LGSN: variants seen among roughly 807,000 people sequenced by gnomAD.
The protein encoded by LGSN is lengsin.
In LGSN, 21 loss-of-function variants were observed where a neutral mutation model predicts 19.5. That is an observed-to-expected ratio of 1.07 (90% CI 0.76 to 1.55). The LOEUF (loss-of-function observed/expected upper bound fraction) is 1.55. Among genes scored for constraint, LGSN ranks in the 40% most tolerant of loss-of-function variants. The pLI, the probability that LGSN is intolerant of heterozygous loss-of-function variation, is 0.00. For synonymous variants in LGSN, 257 were observed against 215.6 expected (o/e 1.19, Z -1.68); for missense variants, 673 against 608.5 (o/e 1.11, Z -1.12).
the LGSN span, among the ~76,000 whole-genome samples, chr6:63,404,962 C>T: frequency 8.2e-6 from 1 of 121,620 alleles, no homozygotes; most frequent in Non-Finnish European, 1.7e-5. Context: ...CCCCGCCCCC[C>T]ACCCCACAAC....
chr6:63,363,357 G>T, the LGSN span, among the ~76,000 whole-genome samples: 19 of 152,302 alleles, frequency 1.2e-4, 1 homozygote, highest in Admixed American at 5.9e-4. Context: ...TGACTTTGAC[G>T]AGTTGAGAGA....
At position 63,285,738 on chromosome 6, in the gene LGSN, C is replaced by T; in HGVS notation, c.179G>A (p.Ser60Asn). The change falls in exon 3 of 4, where the codon AGC becomes AAC. Residue 60 changes from serine (S) to asparagine (N), a missense_variant. Coordinates refer to ENST00000370657, the MANE Select transcript of LGSN (RefSeq NM_016571.3). The part of the protein sequence containing the change: ...MSNSNDCMRD[S>N]SQILTPPQLS... ...TTGAGGTGGGGTCAAAATTTGACTG[C>T]TGTCCCTCATGCAATCTGCAAAATA... The T allele has an allele frequency of 6.2e-7, 1 of 1,613,978 alleles. No homozygotes were observed. Among genetic ancestry groups the T allele is most frequent in the Non-Finnish European group, 8.5e-7 (1 of 1,179,908 alleles).
intron 1 of LGSN, 95 bp from the exon 2 acceptor site, chr6:63,295,140 T>G: frequency 1.8e-6 from 2 of 1,123,158 alleles, no homozygotes; most frequent in Non-Finnish European, 2.6e-6. Flanking sequence ...CTCAATTTTT[T>G]AATGAGCATA....
the LGSN span, among the ~76,000 whole-genome samples, chr6:63,365,250 G>A: frequency 3.3e-5 from 5 of 152,018 alleles, no homozygotes; most frequent in African/African-American, 9.7e-5. Context: ...TGTGAGAAAG[G>A]GGATATCACC....
the LGSN span, chr6:63,570,899 C>T: frequency 6.6e-6 from 1 of 152,214 alleles, no homozygotes; most frequent in Non-Finnish European, 1.5e-5. Context: ...TATATGAAAT[C>T]TGTCCCTTTT....
the LGSN span, among the ~76,000 whole-genome samples, chr6:63,437,049 A>C: frequency 1.6e-5 from 2 of 125,740 alleles, no homozygotes; most frequent in Non-Finnish European, 3.3e-5. Context: ...AAGAAAGAAA[A>C]GGGAAGGGAG....
the LGSN span, among the ~76,000 whole-genome samples, chr6:63,504,462 G>C: frequency 2.6e-5 from 4 of 152,102 alleles, no homozygotes; most frequent in African/African-American, 4.8e-5. Context: ...GGCTGGTCTC[G>C]AACTCCTGAC....
At chr6:63,319,073 A>G (rs1562022401) in intron 1 of LGSN, among the ~76,000 whole-genome samples, 1 of 152,120 alleles carries the variant, frequency 6.6e-6, no homozygotes. Flanking sequence ...GGGAAAGTGC[A>G]TTTGTTCTTG....
At chr6:63,350,226 T>C in the LGSN span, among the ~76,000 whole-genome samples, 3 of 152,252 alleles carry the variant, frequency 2.0e-5, no homozygotes, top group Admixed American at 6.5e-5. Flanking sequence ...ATTCTAGCTG[T>C]GTTCTATTCA....
chr6:63,280,337 A>G lies in LGSN; in HGVS notation c.1214T>C (p.Ile405Thr), dbSNP rs753673176. Residue 405 changes from isoleucine (I) to threonine (T), a missense_variant, in exon 4 of 4, where the codon ATA becomes ACA. Physicochemically the swap from Ile to Thr is moderately conservative, Grantham distance 89. Coordinates refer to ENST00000370657, the MANE Select transcript of LGSN (RefSeq NM_016571.3). ...IKCHGEKGTR[I>T]ENKLGSATAN... ...TGTTGCTGAGCCTAGTTTATTTTCT[A>G]TCCGGGTGCCTTTCTCTCCATGACA... The G allele has an allele frequency of 2.5e-6, 4 of 1,614,180 alleles. No homozygotes were observed. The East Asian group carries it at 8.9e-5, about 36-fold the overall frequency.
the LGSN span, among the ~76,000 whole-genome samples, chr6:63,412,468 GA>G: frequency 7.0e-4 from 70 of 99,612 alleles, no homozygotes; most frequent in African/African-American, 2.0e-3. Flanking sequence ...GAAAGAAAAA[GA>G]GAGAGAAGAA....
the LGSN span, among the ~76,000 whole-genome samples, chr6:63,567,234 T>C: frequency 6.6e-6 from 1 of 152,240 alleles, no homozygotes; most frequent in Non-Finnish European, 1.5e-5. Context: ...TTCCAGAATG[T>C]TTTTGGTTTA....
At chr6:63,470,835 G>T in the LGSN span, among the ~76,000 whole-genome samples, 1 of 150,972 alleles carries the variant, frequency 6.6e-6, no homozygotes, top group African/African-American at 2.4e-5. Context: ...AGAAATAAGT[G>T]TAAGTACAGT....
the LGSN span, among the ~76,000 whole-genome samples, chr6:63,564,756 G>C: frequency 6.6e-6 from 1 of 152,150 alleles, no homozygotes; most frequent in Non-Finnish European, 1.5e-5. Context: ...ATCACATGGA[G>C]ACTGTGGCCT....
chr6:63,352,836 G>C, the LGSN span, among the ~76,000 whole-genome samples: 64 of 152,028 alleles, frequency 4.2e-4, 2 homozygotes, highest in Non-Finnish European at 1.3e-4. Context: ...TAAGGATTAA[G>C]GGAACCATGC....
At chr6:63,372,433 T>C in the LGSN span, among the ~76,000 whole-genome samples, 1 of 152,096 alleles carries the variant, frequency 6.6e-6, no homozygotes, top group African/African-American at 2.4e-5. Flanking sequence ...TCAAATAAAT[T>C]GATCTGAATT....
At chr6:63,288,032 G>T (rs1767611150) in intron 2 of LGSN, among the ~76,000 whole-genome samples, 1 of 151,638 alleles carries the variant, frequency 6.6e-6, no homozygotes, top group Non-Finnish European at 1.5e-5. Context: ...TGACCTACAT[G>T]GTGAAACCCC....
the LGSN span, among the ~76,000 whole-genome samples, chr6:63,552,250 T>C: frequency 1.3e-5 from 2 of 152,230 alleles, no homozygotes; most frequent in Non-Finnish European, 2.9e-5. Context: ...TGGTATCTCA[T>C]TGTGGTTTTT....
chr6:63,361,756 G>C, the LGSN span, among the ~76,000 whole-genome samples: 1 of 152,108 alleles, frequency 6.6e-6, no homozygotes, highest in African/African-American at 2.4e-5. Context: ...CTCAGGCTGG[G>C]AGCTGTGGGC....
Sources: allele counts gnomAD v4.1 joint callset (sites outside exome capture counted in the v4.1 genomes callset), GRCh38; gene constraint gnomAD v4.1.1; transcripts MANE v1.5; gene names NCBI Gene and HGNC (gene_info 2026-07-23, HGNC 2026-07-21).